NFATC3: variants seen among roughly 807,000 people sequenced by gnomAD.
NFATC3 encodes nuclear factor of activated T-cells, cytoplasmic 3.
Under a neutral mutation model 98.6 loss-of-function variants are expected in NFATC3, and 46 were observed. The ratio of observed to expected loss-of-function variants is 0.47; its 90% confidence interval spans 0.37 to 0.60. The LOEUF (loss-of-function observed/expected upper bound fraction) is 0.60. Ranked by LOEUF, NFATC3 falls within the 20% of genes least tolerant of loss-of-function variation. The pLI is 0.00. For missense variants in NFATC3, 1,256 were observed against 1,295.5 expected (o/e 0.97, Z 0.47); for synonymous variants, 512 against 472.2 (o/e 1.08, Z -1.09).
chr16:68,153,113 C>T (rs2038424881), intron 3 of NFATC3, among the ~76,000 whole-genome samples: 1 of 152,182 alleles, frequency 6.6e-6, no homozygotes, highest in African/African-American at 2.4e-5. Flanking sequence ...AATTAGATAG[C>T]AAACTGGGTA....
rs1480212544 is a variant in NFATC3 at position 68,192,309 on chromosome 16, A to G, written c.3106+534A>G. Reference sequence around the variant, plus strand: ...TATATATGTATGTGTGTATATATATATATGTATGTGTATATATATATATAG... The same window carrying G: ...TATATATGTATGTGTGTATATATATGTATGTATGTGTATATATATATATAG... On this transcript the variant is annotated intron_variant, in intron 9 of 9. Transcript: ENST00000346183. 2.1e-5 allele frequency: 3 copies of G among 140,266 alleles called. No individual in the cohort carries two copies. In the South Asian group the frequency reaches 6.7e-4, roughly 32 times the overall value. 8.7% of individuals were successfully genotyped at this position (140,266 alleles called of 1,614,324 possible). A position where few individuals can be genotyped will look rare whatever the true frequency, so the allele number is the denominator to read the frequency against.
intron 9 of NFATC3, among the ~76,000 whole-genome samples, chr16:68,219,026 T>A (rs1030707813): frequency 2.0e-5 from 3 of 151,892 alleles, no homozygotes; most frequent in African/African-American, 7.3e-5. Context: ...GAAGGATCAA[T>A]TGAGGCCAGA....
At chr16:68,178,489 A>C (rs2151620937) in intron 6 of NFATC3, among the ~76,000 whole-genome samples, 1 of 152,344 alleles carries the variant, frequency 6.6e-6, no homozygotes, top group South Asian at 2.1e-4. Context: ...CATTGGGGAC[A>C]TAATGTTGAA....
chr16:68,098,463 G>A (rs929497913), intron 1 of NFATC3, among the ~76,000 whole-genome samples: 4 of 151,602 alleles, frequency 2.6e-5, no homozygotes, highest in African/African-American at 9.7e-5. Flanking sequence ...CACCATGCCC[G>A]GCTAATTTTT....
intron 6 of NFATC3, among the ~76,000 whole-genome samples, chr16:68,176,236 A>G (rs935644129): frequency 2.6e-5 from 4 of 152,056 alleles, no homozygotes; most frequent in African/African-American, 9.7e-5. Flanking sequence ...TCGGCCTCCC[A>G]AAGTGCTGGA....
intron 1 of NFATC3, among the ~76,000 whole-genome samples, chr16:68,115,558 G>A (rs749558458): frequency 5.3e-5 from 8 of 151,990 alleles, no homozygotes; most frequent in Non-Finnish European, 1.2e-4. Context: ...CCAAGTAGCT[G>A]GGATTACAGG....
Position 68,151,871 on chromosome 16 carries a change from C to T in NFATC3, c.1402-5998C>T, listed in dbSNP as rs1042488524. On this transcript the variant is annotated intron_variant, in intron 3 of 9. Transcript: ENST00000346183. ...ATCACCGGAGGCCAGAAGTTCGAGA[C>T]GAGCCTGGCTGACATGGTGAAACCC... is the stretch of plus-strand genomic sequence containing the variant. 4.0e-5 allele frequency among the ~76,000 whole-genome samples: 6 copies of T among 151,866 alleles called. No homozygotes were observed. In the East Asian group the frequency reaches 9.6e-4, roughly 24 times the overall value.
intron 1 of NFATC3, among the ~76,000 whole-genome samples, chr16:68,092,464 A>C (rs1442806331): frequency 6.7e-6 from 1 of 149,226 alleles, no homozygotes; most frequent in Non-Finnish European, 1.5e-5. Flanking sequence ...AAAAAAAAAA[A>C]AATAAATAAA....
At position 68,126,981 on chromosome 16, in the gene NFATC3, G is replaced by A. The variant is rs945966052; in HGVS notation, c.1401+371G>A. 2.6e-5 allele frequency among the ~76,000 whole-genome samples: 4 copies of A among 152,258 alleles called. 1 individual carries two copies. Among genetic ancestry groups the A allele is most frequent in the East Asian group, 1.9e-4 (1 of 5,184 alleles). ...TGTAATCCCAGCACTTGGGGAGGCC[G>A]AGGCAGGTGGATCACTAGCTCAGGA... On this transcript the variant is annotated intron_variant, in intron 3 of 9. Transcript: ENST00000346183.
chr16:68,155,912 C>G (rs912501598), intron 3 of NFATC3, among the ~76,000 whole-genome samples: 1 of 152,100 alleles, frequency 6.6e-6, no homozygotes, highest in African/African-American at 2.4e-5. Context: ...TGGAAAGATA[C>G]TTTAGAATTA....
intron 9 of NFATC3, among the ~76,000 whole-genome samples, chr16:68,218,824 G>A (rs192900860): frequency 5.0e-4 from 75 of 151,044 alleles, no homozygotes; most frequent in African/African-American, 1.5e-3. Context: ...CGCCCGCCTC[G>A]GCCTCCCAAA....
At chr16:68,134,723 G>C (rs192265651) in intron 3 of NFATC3, among the ~76,000 whole-genome samples, 3 of 152,162 alleles carry the variant, frequency 2.0e-5, no homozygotes, top group East Asian at 1.9e-4. Context: ...GGGGGGATGG[G>C]GGATACCTTT....
intron 1 of NFATC3, among the ~76,000 whole-genome samples, chr16:68,115,413 T>C (rs7188350): frequency 0.22 from 33,783 of 151,990 alleles, 4,167 homozygotes; most frequent in African/African-American, 0.32. Flanking sequence ...TTTATTTTCT[T>C]TGTTTTTTGT....
At chr16:68,086,553 C>T in intron 1 of NFATC3, 3 of 705,180 alleles carry the variant, frequency 4.3e-6, no homozygotes, top group Non-Finnish European at 5.2e-6. Context: ...GAAATAGAAA[C>T]AGGATGACTG....
chr16:68,207,305 C>T (rs1203563932), intron 9 of NFATC3, among the ~76,000 whole-genome samples: 1 of 147,294 alleles, frequency 6.8e-6, no homozygotes, highest in Non-Finnish European at 1.5e-5. Flanking sequence ...AGCAAAACTC[C>T]ATCTCAAAAA....
At chr16:68,120,717 A>G (rs1427735093) in intron 1 of NFATC3, among the ~76,000 whole-genome samples, 3 of 151,216 alleles carry the variant, frequency 2.0e-5, no homozygotes, top group African/African-American at 4.9e-5. Context: ...TGGGCGACAG[A>G]GCAAGACTCC....
At chr16:68,102,511 T>C (rs775043723) in intron 1 of NFATC3, among the ~76,000 whole-genome samples, 7 of 152,148 alleles carry the variant, frequency 4.6e-5, no homozygotes, top group Non-Finnish European at 1.0e-4. Context: ...TCCATTTTAT[T>C]CCATTGTTGT....
Position 68,122,058 on chromosome 16 carries a change from C to T in NFATC3, c.175C>T (p.Pro59Ser). Reference protein sequence around the residue: ...VDPPPSTLTTPLCLPHHGLPS... With the variant: ...VDPPPSTLTTSLCLPHHGLPS... ...TCCACCTCCATCTACTTTAACCACA[C>T]CACTTTGCTTACCACATCATGGATT... Residue 59 changes from proline (P) to serine (S), a missense_variant, in exon 2 of 10, where the codon CCA becomes TCA. This residue lies in a region of NFATC3 where 464 missense variants were observed against 465.7 expected (regional missense o/e 1.00). Coordinates refer to ENST00000346183, the MANE Select transcript of NFATC3 (RefSeq NM_173165.3). 1 of 1,613,804 alleles carries T rather than the reference C, an allele frequency of 6.2e-7. No individual in the cohort carries two copies. The highest frequency in any genetic ancestry group is 8.5e-7 in the Non-Finnish European group (1 of 1,179,988).
intron 1 of NFATC3, among the ~76,000 whole-genome samples, chr16:68,102,438 T>G (rs2151464805): frequency 6.6e-6 from 1 of 151,572 alleles, no homozygotes; most frequent in Middle Eastern, 3.4e-3. Context: ...TTTGGCTGGT[T>G]GTAGAATTCT....
Sources: gnomAD v4.1 joint callset for allele counts (sites outside exome capture counted in the v4.1 genomes callset) on GRCh38, gnomAD v4.1.1 for gene constraint, gnomAD v4.1.1 regional missense constraint, MANE v1.5 for transcripts, NCBI Gene and HGNC (gene_info 2026-07-23, HGNC 2026-07-21) for gene names.